Variants in PRPF8 observed in about 807,000 individuals in gnomAD.
PRPF8 encodes the protein pre-mRNA processing factor 8.
In PRPF8, 64 loss-of-function variants were observed where a neutral mutation model predicts 285.9. That is an observed-to-expected ratio of 0.22 (90% CI 0.18 to 0.28). PRPF8 has a LOEUF of 0.28. Ranked by LOEUF, PRPF8 falls within the 10% of genes least tolerant of loss-of-function variation. PRPF8 has a pLI of 1.00. For synonymous variants in PRPF8, 1,325 were observed against 1,118.2 expected, an observed-to-expected ratio of 1.18 and a Z score of -3.69; for missense variants, 1,426 against 3,026.7, an observed-to-expected ratio of 0.47 and a Z score of 12.41.
rs749654323 is a variant in PRPF8, at chr17:1,673,457, A to G, written c.3557T>C (p.Leu1186Pro). Residue 1186 changes from leucine to proline, a missense_variant, in exon 23 of 43, where the codon CTG becomes CCG. Leu to Pro is a moderately conservative substitution (Grantham distance 98). Around this residue, in one of 34 missense-constraint regions of PRPF8, gnomAD observed 148 missense variants for 196.2 expected, o/e 0.75. Transcript: ENST00000304992. This position sits in a 1 kb window ranked among gnomAD's most constrained non-coding sequence, Gnocchi z 5.5. ...GCACTCGAAGCCACACATGTTGAAC[A>G]GCAGGTTGGGGTTGTCCTTACTGTA... ...SVYSKDNPNL[L>P]FNMCGFECRI... 5 of 1,614,074 alleles carry G rather than the reference A, an allele frequency of 3.1e-6. No homozygotes were observed. Among genetic ancestry groups the G allele is most frequent in the Non-Finnish European group, 3.4e-6 (4 of 1,180,042 alleles).
chr17:1,678,723 G>A (rs748025400), intron 12 of PRPF8, 39 bp downstream of exon 12: 104 of 1,613,950 alleles, frequency 6.4e-5, no homozygotes, highest in Non-Finnish European at 8.0e-5. Flanking sequence ...TTCCTCCAGC[G>A]TCCTCACCCA....
At chr17:1,682,751 T>TA (rs1422218789) in intron 3 of PRPF8, among the ~76,000 whole-genome samples, 2 of 152,176 alleles carry the variant, frequency 1.3e-5, no homozygotes, top group African/African-American at 2.4e-5. Context: ...TTTTTTGAAA[T>TA]AAACAAAACT....
At position 1,675,400 on chromosome 17, in the gene PRPF8, C is replaced by T. The variant is rs1912557722; in HGVS notation, c.2873-61G>A. ...AAATCCTCTTGCAAGACTAGCCCCACAGGAACTATCATTACCTTCCATAAC... is the reference window on the plus strand; with the variant it reads ...AAATCCTCTTGCAAGACTAGCCCCATAGGAACTATCATTACCTTCCATAAC... On this transcript the variant is annotated intron_variant, in intron 19 of 42. Coordinates refer to ENST00000304992, the MANE Select transcript of PRPF8 (RefSeq NM_006445.4). The surrounding 1 kb of genome is among the most constrained non-coding windows in gnomAD (Gnocchi z 6.0). 3 of 1,576,094 alleles carry T rather than the reference C, an allele frequency of 1.9e-6. No individual in the cohort carries two copies. The highest frequency in any genetic ancestry group is 1.7e-6 in the Non-Finnish European group (2 of 1,147,222).
intron 34 of PRPF8, among the ~76,000 whole-genome samples, chr17:1,657,813 C>A (rs1567677815): frequency 1.5e-5 from 2 of 134,752 alleles, no homozygotes; most frequent in Non-Finnish European, 3.2e-5. Flanking sequence ...CTAAAAAATA[C>A]AAAAAAAATT....
rs749206422 is a variant in PRPF8 at position 1,658,785 on chromosome 17, GA to G, written c.5139-23del. The G allele has an allele frequency of 6.2e-7, 1 of 1,605,000 alleles. No homozygotes were observed. The highest frequency in any genetic ancestry group is 1.1e-5 in the South Asian group (1 of 90,898). On this transcript the variant is annotated intron_variant, in intron 32 of 42. Coordinates refer to ENST00000304992, the MANE Select transcript of PRPF8 (RefSeq NM_006445.4). The surrounding 1 kb of genome is among the most constrained non-coding windows in gnomAD (Gnocchi z 4.1). ...GGCACTGTGAGGATAAAAGGGTCAA[GA>G]AAAGTTAAGACGAGAATGACAGCCC...
chr17:1,669,265 C>T (rs1912174225), intron 24 of PRPF8, among the ~76,000 whole-genome samples: 1 of 152,178 alleles, frequency 6.6e-6, no homozygotes, highest in Admixed American at 6.5e-5. Flanking sequence ...CGCCACCGCG[C>T]CTGGCTAATT....
chr17:1,651,816 ACT>A lies in PRPF8; in HGVS notation c.6370-30_6370-29del. ...GGAGACAAAGGGGTCAGGAACCAAA[ACT>A]CTTCTTAGTACCAGGTCAGAGTTGG... On this transcript the variant is annotated intron_variant, in intron 39 of 42. Coordinates refer to ENST00000304992, the MANE Select transcript of PRPF8 (RefSeq NM_006445.4). This position sits in a 1 kb window ranked among gnomAD's most constrained non-coding sequence, Gnocchi z 5.1. The A allele has an allele frequency of 6.2e-7, 1 of 1,612,496 alleles. No homozygotes were observed. The highest frequency in any genetic ancestry group is 8.5e-7 in the Non-Finnish European group (1 of 1,179,010).
At position 1,651,840 on chromosome 17, in the gene PRPF8, T is replaced by A. The variant is rs766679115; in HGVS notation, c.6370-52A>T. ...AACTCTTCTTAGTACCAGGTCAGAG[T>A]TGGAGCTGCCAGCCCTCTGTTTCCT... On this transcript the variant is annotated intron_variant, in intron 39 of 42. Transcript: ENST00000304992. The surrounding 1 kb of genome is among the most constrained non-coding windows in gnomAD (Gnocchi z 5.1). 15 of 1,598,344 alleles carry A rather than the reference T, an allele frequency of 9.4e-6. No individual in the cohort carries two copies. Among genetic ancestry groups the A allele is most frequent in the Non-Finnish European group, 1.3e-5 (15 of 1,166,892 alleles).
In PRPF8 at chr17:1,681,664, C is replaced by A. The variant is rs11559304; in HGVS notation, c.680G>T (p.Arg227Leu). The A allele has an allele frequency of 1.3e-5, 21 of 1,613,976 alleles. No homozygotes were observed. The highest frequency in any genetic ancestry group is 1.7e-5 in the Non-Finnish European group (20 of 1,180,034). The change falls in exon 6 of 43, where the codon CGC becomes CTC. Residue 227 changes from arginine to leucine, a missense_variant. This residue lies in a region of PRPF8 where 157 missense variants were observed against 159.6 expected (regional missense o/e 0.98). Coordinates refer to ENST00000304992, the MANE Select transcript of PRPF8 (RefSeq NM_006445.4). ...RKYVNGSTYQ[R>L]WQFTLPMMST... ...CATCATAGGTAGTGTGAACTGCCAG[C>A]GCTGGTAAGTGGAGCCATTTACATA... is the stretch of plus-strand genomic sequence containing the variant.
chr17:1,674,005 C>T (rs997575093), intron 21 of PRPF8, 113 bp from the exon 22 acceptor site: 64 of 1,153,198 alleles, frequency 5.5e-5, no homozygotes, highest in East Asian at 1.2e-4. Flanking sequence ...CCACCCTCCC[C>T]GGGCTTCATT....
At chr17:1,655,301 G>C (rs762647641) in intron 37 of PRPF8, 49 bp downstream of exon 37, 1 of 1,606,608 alleles carries the variant, frequency 6.2e-7, no homozygotes, top group Non-Finnish European at 8.5e-7. Context: ...AAAAACCCCA[G>C]AAAACCGTAT....
intron 24 of PRPF8, among the ~76,000 whole-genome samples, chr17:1,664,971 C>A (rs1046976581): frequency 2.6e-5 from 4 of 151,054 alleles, no homozygotes; most frequent in Non-Finnish European, 5.9e-5. Context: ...GCCTGGCCAA[C>A]ATGGTAAAAA....
At chr17:1,666,247 G>A (rs895430851) in intron 24 of PRPF8, among the ~76,000 whole-genome samples, 2 of 151,468 alleles carry the variant, frequency 1.3e-5, no homozygotes, top group Admixed American at 6.6e-5. Context: ...GCAATGATAA[G>A]AGAAGAAATC....
Position 1,684,465 on chromosome 17 carries a change from G to A in PRPF8, c.100+7C>T, listed in dbSNP as rs1482113847. 1.2e-6 allele frequency: 2 copies of A among 1,612,438 alleles called. No individual in the cohort carries two copies. Among genetic ancestry groups the A allele is most frequent in the East Asian group, 2.2e-5 (1 of 44,846 alleles). ...GGCCCGCGCGCCGCTCCACACTCTCGCCTCACCTTTCTCCTGCAGCTTCTC... is the reference window on the plus strand; with the variant it reads ...GGCCCGCGCGCCGCTCCACACTCTCACCTCACCTTTCTCCTGCAGCTTCTC... On this transcript the variant is annotated splice_region_variant and intron_variant, in intron 2 of 42. Transcript: ENST00000304992.
In PRPF8 at chr17:1,656,803, C is replaced by A. The variant is rs750731167; in HGVS notation, c.5506-42G>T. ...AAGAAAATGGAAATTTAGTCTCTAC[C>A]CTCCCAGATCAACTAGAACAGAATA... On this transcript the variant is annotated intron_variant, in intron 34 of 42. Transcript: ENST00000304992. 4 of 1,509,926 alleles carry A rather than the reference C, an allele frequency of 2.6e-6. No individual in the cohort carries two copies. The African/African-American group carries it at 4.1e-5, about 16-fold the overall frequency. 93.5% of individuals were successfully genotyped at this position (1,509,926 alleles called of 1,614,324 possible). A position where few individuals can be genotyped will look rare whatever the true frequency, so the allele number is the denominator to read the frequency against.
In PRPF8 at chr17:1,674,322, G is replaced by C. The variant is rs913304051; in HGVS notation, c.3299+120C>G. The C allele has an allele frequency of 2.8e-6, 3 of 1,071,442 alleles. No individual in the cohort carries two copies. In the Admixed American group the frequency reaches 5.1e-5, roughly 18 times the overall value. 66.4% of individuals were successfully genotyped at this position (1,071,442 alleles called of 1,614,324 possible). On this transcript the variant is annotated intron_variant, in intron 21 of 42. Coordinates refer to ENST00000304992, the MANE Select transcript of PRPF8 (RefSeq NM_006445.4). ...CAGGCGTGAGCTACCGCACCCGGCC[G>C]CTTCATTCCATTTTAAAGCCCCAAC...
intron 2 of PRPF8, among the ~76,000 whole-genome samples, chr17:1,684,222 T>C (rs1913101846): frequency 6.6e-6 from 1 of 152,182 alleles, no homozygotes; most frequent in Admixed American, 6.5e-5. Flanking sequence ...GGTTTTGTTA[T>C]TCTCTGTCTC....
chr17:1,658,202 G>C lies in PRPF8; in HGVS notation c.5505+51C>G. On this transcript the variant is annotated intron_variant, in intron 34 of 42. Coordinates refer to ENST00000304992, the MANE Select transcript of PRPF8 (RefSeq NM_006445.4). This position sits in a 1 kb window ranked among gnomAD's most constrained non-coding sequence, Gnocchi z 4.1. Reference sequence around the variant, plus strand: ...GTAAATATTACCAAGTCCACCCCAAGAATAAGAGGCAACATGGTTCTACAG... The same window carrying C: ...GTAAATATTACCAAGTCCACCCCAACAATAAGAGGCAACATGGTTCTACAG... The C allele has an allele frequency of 1.9e-6, 3 of 1,613,136 alleles. No homozygotes were observed. Among genetic ancestry groups the C allele is most frequent in the Non-Finnish European group, 2.5e-6 (3 of 1,179,826 alleles).
At position 1,673,976 on chromosome 17, in the gene PRPF8, A is replaced by ACCCCACCCCATCCTAC; in HGVS notation, c.3300-100_3300-85dup. 1 of 1,500,572 alleles carries ACCCCACCCCATCCTAC rather than the reference A, an allele frequency of 6.7e-7. No homozygotes were observed. Among genetic ancestry groups the ACCCCACCCCATCCTAC allele is most frequent in the African/African-American group, 1.4e-5 (1 of 72,830 alleles). The allele number at this position is 1,500,572 out of a possible 1,614,324, so 93.0% of individuals were successfully genotyped here. ...AAGTCCTCCAGCTCAATAGACGGAGACCCCACCCCATCCTACCCCCACCCT... is the reference window on the plus strand; with the variant it reads ...AAGTCCTCCAGCTCAATAGACGGAGACCCCACCCCATCCTACCCCCACCCCATCCTACCCCCACCCT... On this transcript the variant is annotated intron_variant, in intron 21 of 42. Transcript: ENST00000304992. This position sits in a 1 kb window ranked among gnomAD's most constrained non-coding sequence, Gnocchi z 5.5.
Sources: allele counts gnomAD v4.1 joint callset (sites outside exome capture counted in the v4.1 genomes callset), GRCh38; gene constraint gnomAD v4.1.1; regional missense constraint gnomAD v4.1.1; non-coding constraint Gnocchi (gnomAD v3.1); transcripts MANE v1.5; gene names NCBI Gene and HGNC (gene_info 2026-07-23, HGNC 2026-07-21).